EFNA5: variants seen among roughly 807,000 people sequenced by gnomAD.
EFNA5 encodes the protein ephrin A5.
EFNA5 carries 5 observed loss-of-function variants against 22.9 expected under a neutral mutation model. The ratio of observed to expected loss-of-function variants is 0.22; its 90% confidence interval spans 0.11 to 0.46. The LOEUF is 0.46. Among genes scored for constraint, EFNA5 ranks in the 20% least tolerant of loss-of-function variants. The pLI is 0.99. For synonymous variants in EFNA5, 113 were observed against 112.2 expected, an observed-to-expected ratio of 1.01 and a Z score of -0.04; for missense variants, 237 against 293.3, an observed-to-expected ratio of 0.81 and a Z score of 1.40.
intron 1 of EFNA5, among the ~76,000 whole-genome samples, chr5:107,632,142 C>G (rs1750268241): frequency 6.6e-6 from 1 of 152,150 alleles, no homozygotes; most frequent in Admixed American, 6.5e-5. Context: ...CTTTACTTAC[C>G]TCTCTCCCGT....
chr5:107,387,639 G>T, intron 3 of EFNA5, 67 bp downstream of exon 3: 1 of 1,205,810 alleles, frequency 8.3e-7, no homozygotes, highest in Non-Finnish European at 1.2e-6. Flanking sequence ...TTACCGCCGT[G>T]AACCAGACCA....
rs536495862 is a variant in EFNA5, at chr5:107,584,029, C to T, written c.125+86460G>A. Among the ~76,000 whole-genome samples, 8 of 152,216 alleles carry T rather than the reference C, an allele frequency of 5.3e-5. No homozygotes were observed. The South Asian group carries it at 8.3e-4, about 16-fold the overall frequency. On this transcript the variant is annotated intron_variant, in intron 1 of 4. Coordinates refer to ENST00000333274, the MANE Select transcript of EFNA5 (RefSeq NM_001962.3). The stretch of plus-strand genomic sequence containing the variant: ...CCACTGTGGATCCACACAGGCTCGG[C>T]GTCCACAGGGGATTATGTATCTCTA...
chr5:107,500,268 T>C (rs957637071), intron 1 of EFNA5, among the ~76,000 whole-genome samples: 1 of 152,218 alleles, frequency 6.6e-6, no homozygotes, highest in Non-Finnish European at 1.5e-5. Context: ...CAAACATCAC[T>C]ATTAACTGTG....
chr5:107,542,489 C>T (rs904084571), intron 1 of EFNA5, among the ~76,000 whole-genome samples: 5 of 151,690 alleles, frequency 3.3e-5, no homozygotes, highest in South Asian at 2.1e-4. Flanking sequence ...TAGAGTCTGC[C>T]GCCTGCATGC....
At chr5:107,442,929 TAAAAAAA>T (rs544741414) in intron 1 of EFNA5, among the ~76,000 whole-genome samples, 1 of 82,352 alleles carries the variant, frequency 1.2e-5, no homozygotes, top group Admixed American at 1.4e-4. Context: ...CCCCAGGTAC[TAAAAAAA>T]AAAAAAAAAA....
At chr5:107,617,259 A>AAG (rs978841568) in intron 1 of EFNA5, among the ~76,000 whole-genome samples, 1 of 140,806 alleles carries the variant, frequency 7.1e-6, no homozygotes, top group Non-Finnish European at 1.6e-5. Flanking sequence ...GAGAGAGAGA[A>AAG]AGAGAGAGAG....
rs537282372 is a variant in EFNA5, at chr5:107,597,401, C to T, written c.125+73088G>A. Among the ~76,000 whole-genome samples, 39 of 152,194 alleles carry T rather than the reference C, an allele frequency of 2.6e-4. 1 individual carries two copies. The highest frequency in any genetic ancestry group is 1.8e-3 in the Admixed American group (28 of 15,276). ...ATTACTTGGAAATGGATTCATCTTCCGCAAAATTATTTCCTTCCACTGGCA... is the reference window on the plus strand; with the variant it reads ...ATTACTTGGAAATGGATTCATCTTCTGCAAAATTATTTCCTTCCACTGGCA... On this transcript the variant is annotated intron_variant, in intron 1 of 4. Coordinates refer to ENST00000333274, the MANE Select transcript of EFNA5 (RefSeq NM_001962.3).
In EFNA5 at chr5:107,493,352, A is replaced by AT. The variant is rs149881188; in HGVS notation, c.126-65844dup. On this transcript the variant is annotated intron_variant, in intron 1 of 4. Coordinates refer to ENST00000333274, the MANE Select transcript of EFNA5 (RefSeq NM_001962.3). The stretch of plus-strand genomic sequence containing the variant: ...AGTTGTTATCTGAAGTGAATTACTG[A>AT]TTAAAAAAAAAAGTTAAAGGACCCA... 2.2e-3 allele frequency among the ~76,000 whole-genome samples: 330 copies of AT among 152,082 alleles called. 14 individuals carry two copies. In the East Asian group the frequency reaches 0.058, roughly 27 times the overall value.
chr5:107,572,539 T>G (rs1263916373), intron 1 of EFNA5, among the ~76,000 whole-genome samples: 1 of 152,212 alleles, frequency 6.6e-6, no homozygotes, highest in Non-Finnish European at 1.5e-5. Context: ...GATACAGTGC[T>G]TGACTACTGG....
intron 1 of EFNA5, among the ~76,000 whole-genome samples, chr5:107,556,218 A>G (rs1380789464): frequency 6.6e-6 from 1 of 152,194 alleles, no homozygotes; most frequent in Non-Finnish European, 1.5e-5. Flanking sequence ...TCTCTCCCAC[A>G]TCAACTAGTA....
chr5:107,576,067 A>G (rs553584021), intron 1 of EFNA5, among the ~76,000 whole-genome samples: 3 of 152,338 alleles, frequency 2.0e-5, no homozygotes, highest in Non-Finnish European at 4.4e-5. Context: ...GCCATTAATG[A>G]TAACTGTCCA....
intron 1 of EFNA5, among the ~76,000 whole-genome samples, chr5:107,561,742 G>A (rs1748549225): frequency 6.6e-6 from 1 of 152,066 alleles, no homozygotes; most frequent in African/African-American, 2.4e-5. Flanking sequence ...CAGCTAACAG[G>A]AGACTAAATG....
chr5:107,513,939 C>T (rs1747426792), intron 1 of EFNA5, among the ~76,000 whole-genome samples: 1 of 152,168 alleles, frequency 6.6e-6, no homozygotes, highest in Non-Finnish European at 1.5e-5. Context: ...GTCAGCGTCG[C>T]ACAGGTGTTG....
intron 1 of EFNA5, among the ~76,000 whole-genome samples, chr5:107,513,594 C>T (rs1004985341): frequency 1.3e-5 from 2 of 152,038 alleles, no homozygotes; most frequent in South Asian, 2.1e-4. Context: ...AATAGGACAC[C>T]GACACCCCAC....
intron 1 of EFNA5, among the ~76,000 whole-genome samples, chr5:107,507,194 A>G (rs927262420): frequency 7.2e-5 from 11 of 152,236 alleles, no homozygotes; most frequent in African/African-American, 2.7e-4. Flanking sequence ...CTAATCCCAC[A>G]GCATTTTAGA....
At position 107,427,248 on chromosome 5, in the gene EFNA5, T is replaced by C; in HGVS notation, c.387A>G (p.Glu129=). The C allele has an allele frequency of 8.1e-6, 13 of 1,614,132 alleles. No homozygotes were observed. Among genetic ancestry groups the C allele is most frequent in the Non-Finnish European group, 1.1e-5 (13 of 1,180,004 alleles). Residue 129 remains glutamate (E), a synonymous_variant, in exon 2 of 5, where the codon GAA becomes GAG. Coordinates refer to ENST00000333274, the MANE Select transcript of EFNA5 (RefSeq NM_001962.3). ...AGAAATATTCTCGGCCTGGCCTGAATTCAAATCCTAGAGAAAAGGGAGTGA... is the reference window on the plus strand; with the variant it reads ...AGAAATATTCTCGGCCTGGCCTGAACTCAAATCCTAGAGAAAAGGGAGTGA... ...QLFTPFSLGF[E]FRPGREYFYI...
intron 1 of EFNA5, among the ~76,000 whole-genome samples, chr5:107,559,764 T>C (rs1012184021): frequency 2.0e-5 from 3 of 152,120 alleles, no homozygotes; most frequent in Non-Finnish European, 4.4e-5. Flanking sequence ...TGAAAGAAAA[T>C]AGAAATGTAC....
intron 1 of EFNA5, among the ~76,000 whole-genome samples, chr5:107,493,540 C>T (rs1431825344): frequency 6.6e-6 from 1 of 152,076 alleles, no homozygotes; most frequent in Non-Finnish European, 1.5e-5. Flanking sequence ...CAAGAAAAAA[C>T]AAAAACAAAA....
chr5:107,534,822 A>C (rs1176068902), intron 1 of EFNA5, among the ~76,000 whole-genome samples: 1 of 152,230 alleles, frequency 6.6e-6, no homozygotes, highest in Non-Finnish European at 1.5e-5. Context: ...CAGCCAAATG[A>C]TGTTCTAAAG....
Sources: gnomAD v4.1 joint callset for allele counts (sites outside exome capture counted in the v4.1 genomes callset) on GRCh38, gnomAD v4.1.1 for gene constraint, MANE v1.5 for transcripts, NCBI Gene and HGNC (gene_info 2026-07-23, HGNC 2026-07-21) for gene names.